TENM2: variants seen among roughly 807,000 people sequenced by gnomAD.
The protein encoded by TENM2 is teneurin transmembrane protein 2, also known as teneurin-2.
TENM2 carries 52 observed loss-of-function variants against 245.2 expected under a neutral mutation model. The ratio of observed to expected loss-of-function variants is 0.21; its 90% CI spans 0.17 to 0.27. TENM2 has a LOEUF of 0.27. TENM2 is among the 10% of genes least tolerant of loss of function. TENM2 has a pLI of 1.00. For synonymous variants in TENM2, 1,363 were observed against 1,438.9 expected (o/e 0.95, Z 1.19); for missense variants, 3,046 against 3,666.8 (o/e 0.83, Z 4.37).
intron 1 of TENM2, among the ~76,000 whole-genome samples, chr5:167,358,471 T>TC (rs1320882424): frequency 6.6e-6 from 1 of 150,676 alleles, no homozygotes; most frequent in Non-Finnish European, 1.5e-5. Flanking sequence ...CCTTTCTTCT[T>TC]TTTTTTTTTC....
intron 12 of TENM2, among the ~76,000 whole-genome samples, chr5:168,159,565 A>G (rs1006748055): frequency 2.0e-5 from 3 of 152,240 alleles, no homozygotes; most frequent in African/African-American, 7.2e-5. Flanking sequence ...ACAAACACAA[A>G]GGATCACTTC....
intron 12 of TENM2, among the ~76,000 whole-genome samples, chr5:168,137,347 G>T (rs942189523): frequency 4.1e-4 from 62 of 152,222 alleles, no homozygotes; most frequent in Non-Finnish European, 8.8e-5. Context: ...ATTTCAAAAA[G>T]TATGCTTTAA....
At chr5:167,007,284 T>C in the TENM2 span, among the ~76,000 whole-genome samples, 1 of 152,154 alleles carries the variant, frequency 6.6e-6, no homozygotes, top group Non-Finnish European at 1.5e-5. This position sits in a 1 kb window ranked among gnomAD's most constrained non-coding sequence, Gnocchi z 4.2. Flanking sequence ...CCAAAGGCAT[T>C]TCCCAGCTCA....
At chr5:167,447,580 C>T (rs1765306982) in intron 2 of TENM2, among the ~76,000 whole-genome samples, 1 of 152,114 alleles carries the variant, frequency 6.6e-6, no homozygotes, top group Non-Finnish European at 1.5e-5. Context: ...AGTTTTATTT[C>T]CAGTAAAAGG....
chr5:167,581,860 T>C (rs1775118692), intron 2 of TENM2, among the ~76,000 whole-genome samples: 1 of 152,044 alleles, frequency 6.6e-6, no homozygotes, highest in African/African-American at 2.4e-5. Flanking sequence ...TGAAATTAGA[T>C]ATTATTTTCA....
intron 2 of TENM2, among the ~76,000 whole-genome samples, chr5:167,409,358 TA>T (rs1762792726): frequency 6.6e-6 from 1 of 152,008 alleles, no homozygotes; most frequent in African/African-American, 2.4e-5. Flanking sequence ...GCAGGATGGA[TA>T]AACTTTAACA....
the TENM2 span, among the ~76,000 whole-genome samples, chr5:167,035,180 A>G: frequency 6.6e-6 from 1 of 152,152 alleles, no homozygotes. Context: ...TAGTTCTTTA[A>G]TTGCAGCATA....
Position 168,226,085 on chromosome 5 carries a change from C to A in TENM2, c.5109-3C>A, listed in dbSNP as rs757203941. 1.9e-6 allele frequency: 3 copies of A among 1,612,172 alleles called. No individual in the cohort carries two copies. The highest frequency in any genetic ancestry group is 2.2e-5 in the East Asian group (1 of 44,862). On this transcript the variant is annotated splice_polypyrimidine_tract_variant and splice_region_variant and intron_variant, in intron 23 of 28. Coordinates refer to ENST00000518659, the Ensembl canonical transcript of TENM2. ...GTTTATCTATCTATCTATCTCCCCC[C>A]AGCTATGACCACGAAGGCCGCCTGA... is the stretch of plus-strand genomic sequence containing the variant.
intron 9 of TENM2, among the ~76,000 whole-genome samples, chr5:168,113,509 G>T (rs548371808): frequency 6.7e-6 from 1 of 148,904 alleles, no homozygotes; most frequent in African/African-American, 2.5e-5. Flanking sequence ...TTTTCTCCAC[G>T]TATTCTCTTT....
chr5:167,204,530 C>G, the TENM2 span, among the ~76,000 whole-genome samples: 3 of 152,126 alleles, frequency 2.0e-5, no homozygotes, highest in Admixed American at 1.3e-4. Context: ...AAATCCTTAG[C>G]GGAATCCTGC....
chr5:167,183,912 T>C, the TENM2 span, among the ~76,000 whole-genome samples: 1 of 152,238 alleles, frequency 6.6e-6, no homozygotes, highest in Non-Finnish European at 1.5e-5. Context: ...CCTAATTTTA[T>C]ACATTAACAG....
intron 2 of TENM2, among the ~76,000 whole-genome samples, chr5:167,781,752 G>A (rs116232549): frequency 0.011 from 1,710 of 152,240 alleles, 24 homozygotes; most frequent in African/African-American, 0.039. Context: ...TGGGCTGGTC[G>A]TGGTGGCTCA....
At chr5:167,378,195 T>G (rs1032227594) in intron 2 of TENM2, among the ~76,000 whole-genome samples, 3 of 152,096 alleles carry the variant, frequency 2.0e-5, no homozygotes, top group African/African-American at 7.2e-5. Flanking sequence ...AACTTCCTTT[T>G]TGGTAATATG....
chr5:166,982,861 A>G, the TENM2 span, among the ~76,000 whole-genome samples: 1 of 151,912 alleles, frequency 6.6e-6, no homozygotes, highest in Non-Finnish European at 1.5e-5. Flanking sequence ...TTGATTAAGC[A>G]TGATGTATTT....
At chr5:167,674,206 G>A (rs1031676219) in intron 2 of TENM2, among the ~76,000 whole-genome samples, 5 of 152,058 alleles carry the variant, frequency 3.3e-5, no homozygotes, top group Non-Finnish European at 7.4e-5. Context: ...ACCTTCTTGC[G>A]TGCAGTTTAG....
At chr5:167,673,938 A>G (rs1756135855) in intron 2 of TENM2, among the ~76,000 whole-genome samples, 1 of 152,132 alleles carries the variant, frequency 6.6e-6, no homozygotes, top group Non-Finnish European at 1.5e-5. Flanking sequence ...GGGAGAGGAT[A>G]CAACATGGTG....
At chr5:167,725,244 A>T (rs1339349220) in intron 2 of TENM2, among the ~76,000 whole-genome samples, 1 of 152,156 alleles carries the variant, frequency 6.6e-6, no homozygotes, top group Non-Finnish European at 1.5e-5. Context: ...GATATGGTGT[A>T]AAATGAATCA....
intron 13 of TENM2, chr5:168,185,155 T>G (rs1295296694): frequency 3.3e-5 from 5 of 152,244 alleles, no homozygotes; most frequent in Admixed American, 1.3e-4. Context: ...GGGTGTCCAC[T>G]GCCTTGTCTT....
At chr5:168,226,921 T>C (rs963808313) in intron 24 of TENM2, among the ~76,000 whole-genome samples, 3 of 152,246 alleles carry the variant, frequency 2.0e-5, no homozygotes, top group South Asian at 4.1e-4. Flanking sequence ...AGGATAAAAG[T>C]GTCCTCTCAG....
Sources: allele counts gnomAD v4.1 joint callset (sites outside exome capture counted in the v4.1 genomes callset), GRCh38; gene constraint gnomAD v4.1.1; non-coding constraint Gnocchi (gnomAD v3.1); transcripts MANE v1.5; gene names NCBI Gene and HGNC (gene_info 2026-07-23, HGNC 2026-07-21).